TOGARAM1: variants seen among roughly 807,000 people sequenced by gnomAD.
TOGARAM1 encodes TOG array regulator of axonemal microtubules protein 1.
Under a neutral mutation model 166.6 loss-of-function variants are expected in TOGARAM1, and 100 were observed. That is an observed-to-expected ratio of 0.60 (90% CI 0.51 to 0.71). The LOEUF (loss-of-function observed/expected upper bound fraction) is 0.71, where lower values mean the gene tolerates loss of function less well. Among genes scored for constraint, TOGARAM1 ranks in the 30% least tolerant of loss-of-function variants. The probability of loss-of-function intolerance (pLI) is 0.00; values close to 1 mark genes in which losing one functional copy is unlikely to be tolerated. For missense variants in TOGARAM1, 2,029 were observed against 2,102.7 expected (o/e 0.96, Z 0.69); for synonymous variants, 758 against 763.8 (o/e 0.99, Z 0.13).
At chr14:45,042,558 C>G (rs773513002) in intron 11 of TOGARAM1, among the ~76,000 whole-genome samples, 19 of 151,814 alleles carry the variant, frequency 1.3e-4, no homozygotes, top group Non-Finnish European at 1.9e-4. Flanking sequence ...ATACACAAAT[C>G]TACAATTATA....
At chr14:45,050,789 A>AT (rs1344130051) in intron 14 of TOGARAM1, among the ~76,000 whole-genome samples, 2 of 151,700 alleles carry the variant, frequency 1.3e-5, no homozygotes, top group African/African-American at 2.4e-5. Flanking sequence ...TGATTTTTGT[A>AT]TTTTTAGTAG....
rs1880793099 is a variant in TOGARAM1 at position 45,025,677 on chromosome 14, A to T, written c.3239-106A>T. Reference sequence around the variant, plus strand: ...TGTGAATAAATTGTAAATTCTTTGTATGAAATAAATTTTCAGTTTTAAAAG... The same window carrying T: ...TGTGAATAAATTGTAAATTCTTTGTTTGAAATAAATTTTCAGTTTTAAAAG... On this transcript the variant is annotated intron_variant, in intron 7 of 19. Coordinates refer to ENST00000361462, the MANE Select transcript of TOGARAM1 (RefSeq NM_001308120.2). 1.3e-5 allele frequency: 8 copies of T among 599,282 alleles called. 1 individual carries two copies. Among genetic ancestry groups the T allele is most frequent in the South Asian group, 7.1e-5 (3 of 42,020 alleles). 37.1% of individuals were successfully genotyped at this position (599,282 alleles called of 1,614,324 possible). A position where few individuals can be genotyped will look rare whatever the true frequency, so the allele number is the denominator to read the frequency against.
At chr14:45,008,829 C>G (rs1339119004) in intron 5 of TOGARAM1, 84 bp from the exon 6 acceptor site, 12 of 1,056,740 alleles carry the variant, frequency 1.1e-5, no homozygotes, top group Non-Finnish European at 1.6e-5. Flanking sequence ...CTAGGTATAG[C>G]TAATGGAGTT....
chr14:45,056,572 G>T (rs1480642716), intron 16 of TOGARAM1, among the ~76,000 whole-genome samples: 1 of 152,072 alleles, frequency 6.6e-6, no homozygotes, highest in African/African-American at 2.4e-5. Flanking sequence ...TTTTTATCAT[G>T]AAGTGATGAT....
intron 1 of TOGARAM1, among the ~76,000 whole-genome samples, chr14:44,972,944 C>T (rs1047011563): frequency 1.3e-5 from 2 of 152,040 alleles, no homozygotes; most frequent in Non-Finnish European, 2.9e-5. Context: ...TGTTATACAT[C>T]GTTGTGCTTA....
chr14:44,969,397 C>T (rs954977634), intron 1 of TOGARAM1, among the ~76,000 whole-genome samples: 1 of 152,052 alleles, frequency 6.6e-6, no homozygotes, highest in African/African-American at 2.4e-5. Context: ...AAGCGATTGC[C>T]CACCTTGGCC....
rs199655641 is a variant in TOGARAM1, at chr14:45,057,432, A to AT, written c.4559+2892dup. ...TGATCTTTTTACTTTTTTGTTGTTTATTTTTTTTTATAGAGACAGGGTCTC... is the reference window on the plus strand; with the variant it reads ...TGATCTTTTTACTTTTTTGTTGTTTATTTTTTTTTTATAGAGACAGGGTCTC... On this transcript the variant is annotated intron_variant, in intron 16 of 19. Transcript: ENST00000361462. Among the ~76,000 whole-genome samples, 567 of 149,556 alleles carry AT rather than the reference A, an allele frequency of 3.8e-3. 3 individuals carry two copies. Among genetic ancestry groups the AT allele is most frequent in the South Asian group, 0.018 (84 of 4,742 alleles).
intron 14 of TOGARAM1, among the ~76,000 whole-genome samples, chr14:45,050,279 G>T (rs1171900201): frequency 6.6e-6 from 1 of 152,110 alleles, no homozygotes; most frequent in Non-Finnish European, 1.5e-5. Flanking sequence ...TGGAGACAGG[G>T]TCTTGCTCTT....
intron 1 of TOGARAM1, among the ~76,000 whole-genome samples, chr14:44,994,450 A>T (rs1454826230): frequency 6.6e-6 from 1 of 152,060 alleles, no homozygotes; most frequent in Non-Finnish European, 1.5e-5. Flanking sequence ...ACAGGGTCTC[A>T]GTCAGTCACT....
In TOGARAM1 at chr14:45,073,387, T is replaced by G; in HGVS notation, c.5148T>G (p.Asn1716Lys). ...VLWHLLGNMT[N>K]SGSLPGAGGN... The stretch of plus-strand genomic sequence containing the variant: ...GGCATCTCTTAGGAAATATGACAAA[T>G]AGTGGCTCTCTGCCTGGAGCTGGAG... The change falls in exon 20 of 20, where the codon AAT becomes AAG. Residue 1716 changes from asparagine (N) to lysine (K), a missense_variant. Asn to Lys is a moderately conservative substitution (Grantham distance 94). This residue lies in a region of TOGARAM1 where 576 missense variants were observed against 670.5 expected (regional missense o/e 0.86). Transcript: ENST00000361462. The G allele has an allele frequency of 1.2e-6, 2 of 1,614,096 alleles. No homozygotes were observed. The highest frequency in any genetic ancestry group is 1.7e-6 in the Non-Finnish European group (2 of 1,180,012).
chr14:44,979,564 C>T (rs1433051777), intron 1 of TOGARAM1, among the ~76,000 whole-genome samples: 1 of 152,164 alleles, frequency 6.6e-6, no homozygotes, highest in African/African-American at 2.4e-5. Flanking sequence ...ACTATTGCAG[C>T]AGCTAACTCT....
chr14:45,026,159 T>G (rs949500875), intron 8 of TOGARAM1, among the ~76,000 whole-genome samples: 14 of 152,158 alleles, frequency 9.2e-5, no homozygotes, highest in Non-Finnish European at 1.8e-4. Flanking sequence ...CTTACTTAGT[T>G]TTAGCATAGT....
chr14:45,058,572 C>T (rs1452355915), intron 16 of TOGARAM1, among the ~76,000 whole-genome samples: 2 of 152,100 alleles, frequency 1.3e-5, no homozygotes, highest in African/African-American at 4.8e-5. Context: ...GGATTACAGG[C>T]GTGAGCCACC....
At chr14:45,030,667 C>T (rs911876807) in intron 10 of TOGARAM1, among the ~76,000 whole-genome samples, 1 of 152,138 alleles carries the variant, frequency 6.6e-6, no homozygotes, top group South Asian at 2.1e-4. Context: ...CCTCACATAA[C>T]AAAAACTGGT....
At chr14:45,000,779 C>A (rs1887657526) in intron 3 of TOGARAM1, among the ~76,000 whole-genome samples, 1 of 152,128 alleles carries the variant, frequency 6.6e-6, no homozygotes, top group African/African-American at 2.4e-5. Context: ...GGGTCTCACT[C>A]TGTGGCCCAG....
At chr14:45,071,314 A>T (rs1431763614) in intron 18 of TOGARAM1, among the ~76,000 whole-genome samples, 1 of 146,480 alleles carries the variant, frequency 6.8e-6, no homozygotes, top group Non-Finnish European at 1.5e-5. Flanking sequence ...TAAATACCAC[A>T]TGATAGCTCC....
chr14:45,018,726 G>T (rs986715807), intron 7 of TOGARAM1, among the ~76,000 whole-genome samples: 1 of 152,102 alleles, frequency 6.6e-6, no homozygotes. Context: ...GCAGCAATAA[G>T]TTGTTATTGT....
chr14:45,001,074 G>C (rs1476879477), intron 3 of TOGARAM1, among the ~76,000 whole-genome samples: 1 of 152,038 alleles, frequency 6.6e-6, no homozygotes, highest in Non-Finnish European at 1.5e-5. Context: ...TTTCTATAGT[G>C]GCTGTACTAA....
At chr14:45,062,839 A>G (rs1167629187) in intron 16 of TOGARAM1, among the ~76,000 whole-genome samples, 2 of 152,184 alleles carry the variant, frequency 1.3e-5, no homozygotes, top group Non-Finnish European at 2.9e-5. Flanking sequence ...GTTTATCGGG[A>G]TGTAACTCCA....
Sources: gnomAD v4.1 joint callset for allele counts (sites outside exome capture counted in the v4.1 genomes callset) on GRCh38, gnomAD v4.1.1 for gene constraint, gnomAD v4.1.1 regional missense constraint, MANE v1.5 for transcripts, NCBI Gene and HGNC (gene_info 2026-07-23, HGNC 2026-07-21) for gene names.